Variants in WDPCP observed in about 807,000 individuals in gnomAD.
WDPCP encodes the protein WD repeat-containing and planar cell polarity effector protein fritz homolog.
In WDPCP, 71 loss-of-function variants were observed where a neutral mutation model predicts 93.1. That is an observed-to-expected ratio of 0.76 (90% CI 0.63 to 0.93). WDPCP has a LOEUF of 0.93. Ranked by LOEUF, WDPCP falls within the 40% of genes least tolerant of loss-of-function variation. The pLI is 0.00. For synonymous variants in WDPCP, 315 were observed against 315.0 expected (o/e 1.00, Z 0.00); for missense variants, 844 against 887.4 (o/e 0.95, Z 0.62).
chr2:63,583,449 C>T (rs1708622653), intron 1 of WDPCP, among the ~76,000 whole-genome samples: 1 of 152,064 alleles, frequency 6.6e-6, no homozygotes, highest in Non-Finnish European at 1.5e-5. Context: ...CTTTGGGAGG[C>T]CAGGCGGGCG....
chr2:63,316,386 G>A (rs1041614353), intron 12 of WDPCP, among the ~76,000 whole-genome samples: 5 of 151,866 alleles, frequency 3.3e-5, no homozygotes, highest in East Asian at 3.9e-4. Context: ...AAATAAGGCC[G>A]GGCGCCTATA....
Position 63,575,463 on chromosome 2 carries a change from A to ATATACTGTATATACAGTG in WDPCP, c.75+12733_75+12734insCACTGTATATACAGTATA, listed in dbSNP as rs1707956893. Reference sequence around the variant, plus strand: ...AGTGTATACACTGTATATACAGTATATATGCAGTATATACAGTGTATATAT... The same window carrying ATATACTGTATATACAGTG: ...AGTGTATACACTGTATATACAGTATATATACTGTATATACAGTGTATGCAGTATATACAGTGTATATAT... On this transcript the variant is annotated intron_variant, in intron 1 of 17. Transcript: ENST00000272321. Among the ~76,000 whole-genome samples the ATATACTGTATATACAGTG allele has an allele frequency of 1.7e-4, 5 of 29,148 alleles. 2 individuals carry two copies. In the East Asian group the frequency reaches 9.1e-3, roughly 53 times the overall value. 19.1% of individuals were successfully genotyped at this position (29,148 alleles called of 152,430 possible).
intron 13 of WDPCP, among the ~76,000 whole-genome samples, chr2:63,302,933 C>T (rs1326459248): frequency 6.6e-6 from 1 of 152,198 alleles, no homozygotes; most frequent in Non-Finnish European, 1.5e-5. Flanking sequence ...TAGTCTCTGC[C>T]ATTTTACAAT....
At chr2:63,671,424 C>T (rs1258316489) in intron 2 of WDPCP, among the ~76,000 whole-genome samples, 2 of 152,160 alleles carry the variant, frequency 1.3e-5, no homozygotes, top group African/African-American at 2.4e-5. Context: ...GTGTAGGATG[C>T]TTCTACCCAA....
intron 14 of WDPCP, chr2:63,228,568 G>A: frequency 6.6e-6 from 1 of 151,744 alleles, no homozygotes; most frequent in East Asian, 1.9e-4. Context: ...ATCTCCTAAT[G>A]CTATCCCTCC....
chr2:63,456,656 A>G (rs540437952), intron 6 of WDPCP, among the ~76,000 whole-genome samples: 2 of 152,218 alleles, frequency 1.3e-5, no homozygotes, highest in South Asian at 4.1e-4. Context: ...GAAGAAAATA[A>G]TAAAGATCAG....
At chr2:63,563,309 G>A (rs985481620) in intron 1 of WDPCP, among the ~76,000 whole-genome samples, 2 of 151,706 alleles carry the variant, frequency 1.3e-5, no homozygotes, top group Admixed American at 6.6e-5. Context: ...CATATGGAAC[G>A]TATAACAAGT....
chr2:63,193,681 G>A (rs1285432357), intron 14 of WDPCP, among the ~76,000 whole-genome samples: 1 of 152,052 alleles, frequency 6.6e-6, no homozygotes, highest in South Asian at 2.1e-4. Context: ...TAGATATGGG[G>A]TCTAACTATG....
At chr2:63,763,362 G>A (rs1489523034) in intron 2 of WDPCP, among the ~76,000 whole-genome samples, 1 of 151,986 alleles carries the variant, frequency 6.6e-6, no homozygotes, top group Non-Finnish European at 1.5e-5. Flanking sequence ...AAAATTAGCT[G>A]GGCATGGTGG....
intron 13 of WDPCP, among the ~76,000 whole-genome samples, chr2:63,275,566 A>C (rs1164704652): frequency 6.6e-6 from 1 of 152,248 alleles, no homozygotes; most frequent in Admixed American, 6.5e-5. Context: ...CAAAATCAAC[A>C]TATAAATATC....
At chr2:63,752,573 C>G (rs760413445) in intron 2 of WDPCP, 22 of 636,024 alleles carry the variant, frequency 3.5e-5, no homozygotes, top group Non-Finnish European at 4.8e-5. Flanking sequence ...TGTTTCAAAG[C>G]TCAGCCTTCC....
At chr2:63,374,144 G>T (rs1449146660) in intron 12 of WDPCP, among the ~76,000 whole-genome samples, 1 of 151,188 alleles carries the variant, frequency 6.6e-6, no homozygotes, top group African/African-American at 2.4e-5. Flanking sequence ...CCATTCAAGG[G>T]TTCTAGATTT....
rs558558552 is a variant in WDPCP at position 63,813,302 on chromosome 2, G to C, written n.308+320C>G. Among the ~76,000 whole-genome samples, 5 of 152,326 alleles carry C rather than the reference G, an allele frequency of 3.3e-5. No homozygotes were observed. In the East Asian group the frequency reaches 9.6e-4, roughly 29 times the overall value. ...AAATAAAGGAGAAGCACAGGTTTCAGGAGAAGTATTAATATACCGAGTATA... is the reference window on the plus strand; with the variant it reads ...AAATAAAGGAGAAGCACAGGTTTCACGAGAAGTATTAATATACCGAGTATA... On this transcript the variant is annotated intron_variant and non_coding_transcript_variant, in intron 2 of 4. Transcript: ENST00000467687.
intron 1 of WDPCP, among the ~76,000 whole-genome samples, chr2:63,585,282 C>G (rs1302767216): frequency 6.6e-6 from 1 of 152,134 alleles, no homozygotes; most frequent in South Asian, 2.1e-4. Context: ...ACTACATATT[C>G]ATTTTAAGAA....
At chr2:63,779,708 C>A (rs1670360855) in intron 2 of WDPCP, among the ~76,000 whole-genome samples, 1 of 152,116 alleles carries the variant, frequency 6.6e-6, no homozygotes, top group Non-Finnish European at 1.5e-5. Flanking sequence ...ATAGCAGATG[C>A]TTTCCATTCT....
chr2:63,242,658 G>GTT (rs1679948566), intron 14 of WDPCP, among the ~76,000 whole-genome samples: 1 of 152,106 alleles, frequency 6.6e-6, no homozygotes, highest in Non-Finnish European at 1.5e-5. Context: ...AAATCTCAGT[G>GTT]TAACAGATGA....
At chr2:63,695,939 G>A (rs942428502) in intron 2 of WDPCP, among the ~76,000 whole-genome samples, 3 of 152,092 alleles carry the variant, frequency 2.0e-5, no homozygotes, top group Non-Finnish European at 2.9e-5. Context: ...CCACTCACTT[G>A]ATAGAAACAA....
chr2:63,237,935 T>C (rs778349604), intron 14 of WDPCP, among the ~76,000 whole-genome samples: 4 of 151,462 alleles, frequency 2.6e-5, no homozygotes, highest in Non-Finnish European at 5.9e-5. Context: ...TTAGGCAATA[T>C]ACCCTTGTAA....
At chr2:63,507,323 G>A (rs1356058315) in intron 1 of WDPCP, among the ~76,000 whole-genome samples, 1 of 152,080 alleles carries the variant, frequency 6.6e-6, no homozygotes, top group African/African-American at 2.4e-5. Flanking sequence ...AACACTGGGA[G>A]TTGTTAGAAG....
Sources: gnomAD v4.1 joint callset for allele counts (sites outside exome capture counted in the v4.1 genomes callset) on GRCh38, gnomAD v4.1.1 for gene constraint, MANE v1.5 for transcripts, NCBI Gene and HGNC (gene_info 2026-07-23, HGNC 2026-07-21) for gene names.